SHISA9: variants seen among roughly 807,000 people sequenced by gnomAD.
SHISA9 encodes the protein protein shisa-9.
In SHISA9, 13 loss-of-function variants were observed where a neutral mutation model predicts 38.0. The observed-to-expected ratio is 0.34, with a 90% CI of 0.22 to 0.54. SHISA9 has a LOEUF of 0.54. SHISA9 is among the 20% of genes least tolerant of loss of function. SHISA9 has a pLI of 0.91. For synonymous variants in SHISA9, 275 were observed against 242.0 expected, an observed-to-expected ratio of 1.14 and a Z score of -1.27; for missense variants, 538 against 575.8, an observed-to-expected ratio of 0.93 and a Z score of 0.67.
At chr16:13,553,682 G>A in the SHISA9 span, among the ~76,000 whole-genome samples, 166 of 150,312 alleles carry the variant, frequency 1.1e-3, no homozygotes, top group African/African-American at 3.6e-3. Context: ...TAAAAAAAAA[G>A]AAAAAAAAAA....
the SHISA9 span, among the ~76,000 whole-genome samples, chr16:13,357,917 T>G: frequency 6.6e-6 from 1 of 152,102 alleles, no homozygotes; most frequent in East Asian, 1.9e-4. Context: ...ACACTTCTTT[T>G]GTGGTGGAAT....
the SHISA9 span, among the ~76,000 whole-genome samples, chr16:13,296,424 A>G: frequency 4.6e-5 from 7 of 151,788 alleles, no homozygotes; most frequent in Middle Eastern, 3.4e-3. Context: ...AACAGCACGC[A>G]GGGGGGAAAA....
At chr16:13,537,890 A>C in the SHISA9 span, among the ~76,000 whole-genome samples, 3,924 of 152,306 alleles carry the variant, frequency 0.026, 106 homozygotes, top group Middle Eastern at 0.1. Context: ...AGAAGAAACT[A>C]TGTCAAAATA....
chr16:13,054,730 C>G (rs989992735), intron 2 of SHISA9, among the ~76,000 whole-genome samples: 1 of 152,198 alleles, frequency 6.6e-6, no homozygotes, highest in African/African-American at 2.4e-5. Context: ...AGAGAGAAAT[C>G]TTTAACACGG....
At chr16:13,071,968 C>A (rs910040814) in intron 2 of SHISA9, among the ~76,000 whole-genome samples, 2 of 152,148 alleles carry the variant, frequency 1.3e-5, no homozygotes, top group Non-Finnish European at 2.9e-5. Context: ...TTCTGACACC[C>A]GCTCTTCCCA....
chr16:13,542,689 G>C, the SHISA9 span, among the ~76,000 whole-genome samples: 1 of 152,180 alleles, frequency 6.6e-6, no homozygotes, highest in Non-Finnish European at 1.5e-5. Context: ...TTTCAATCCA[G>C]CCTCTTTGGA....
the SHISA9 span, among the ~76,000 whole-genome samples, chr16:13,520,721 T>C: frequency 6.6e-6 from 1 of 150,414 alleles, no homozygotes; most frequent in East Asian, 2.0e-4. Flanking sequence ...GGCATATGTA[T>C]GTGGAGGGGA....
chr16:13,059,703 A>C (rs2073352100), intron 2 of SHISA9, among the ~76,000 whole-genome samples: 1 of 152,316 alleles, frequency 6.6e-6, no homozygotes, highest in African/African-American at 2.4e-5. Flanking sequence ...TCTGCAAATA[A>C]TATCACATTC....
At chr16:13,223,501 C>G (rs1055212748) in intron 4 of SHISA9, among the ~76,000 whole-genome samples, 1 of 152,180 alleles carries the variant, frequency 6.6e-6, no homozygotes, top group Non-Finnish European at 1.5e-5. Context: ...ATATTAACTC[C>G]TCTTTCCTTC....
intron 2 of SHISA9, among the ~76,000 whole-genome samples, chr16:13,119,084 T>A (rs1477541372): frequency 6.6e-6 from 1 of 152,054 alleles, no homozygotes; most frequent in Non-Finnish European, 1.5e-5. Flanking sequence ...GCTAGGCTGA[T>A]CTTGAACTTC....
the SHISA9 span, among the ~76,000 whole-genome samples, chr16:13,476,787 C>G: frequency 8.6e-6 from 1 of 116,400 alleles, no homozygotes; most frequent in Non-Finnish European, 1.6e-5. Context: ...CTCGCTCTGT[C>G]GCCCAGGCTG....
At chr16:12,913,927 T>C (rs1335716020) in intron 1 of SHISA9, among the ~76,000 whole-genome samples, 2 of 152,156 alleles carry the variant, frequency 1.3e-5, no homozygotes, top group African/African-American at 4.8e-5. Context: ...CCATTCAGGT[T>C]GTTTCCGCTT....
intron 3 of SHISA9, among the ~76,000 whole-genome samples, chr16:13,204,137 TCTA>T (rs2051037359): frequency 1.4e-5 from 1 of 71,926 alleles, no homozygotes; most frequent in Non-Finnish European, 3.2e-5. Context: ...CTACCTATTA[TCTA>T]TCTATCTATC....
At position 13,087,008 on chromosome 16, in the gene SHISA9, C is replaced by T. The variant is rs576234417; in HGVS notation, c.692-116386C>T. The stretch of plus-strand genomic sequence containing the variant: ...GCCCCGGTGTGTGATGTTCCCCGCC[C>T]TGTGTCCAAGTGATCTCATTGTTCA... On this transcript the variant is annotated intron_variant, in intron 2 of 4. Transcript: ENST00000558583. Among the ~76,000 whole-genome samples, 248 of 150,428 alleles carry T rather than the reference C, an allele frequency of 1.6e-3. 1 individual carries two copies. The highest frequency in any genetic ancestry group is 5.8e-3 in the African/African-American group (237 of 40,814).
the SHISA9 span, among the ~76,000 whole-genome samples, chr16:13,530,573 G>A: frequency 3.7e-4 from 57 of 152,126 alleles, no homozygotes; most frequent in African/African-American, 1.2e-3. Context: ...GATGGCATCC[G>A]TGATAAGAGC....
chr16:12,953,237 AAC>A (rs1555503120), intron 2 of SHISA9, among the ~76,000 whole-genome samples: 3 of 152,062 alleles, frequency 2.0e-5, no homozygotes, highest in Non-Finnish European at 4.4e-5. Context: ...CAACAACAAC[AAC>A]AAAAAACAGC....
chr16:13,356,741 A>C, the SHISA9 span, among the ~76,000 whole-genome samples: 1 of 152,098 alleles, frequency 6.6e-6, no homozygotes, highest in South Asian at 2.1e-4. Flanking sequence ...GATTTGGGAC[A>C]AGTTGCACTG....
chr16:13,303,138 T>A, the SHISA9 span, among the ~76,000 whole-genome samples: 1 of 152,318 alleles, frequency 6.6e-6, no homozygotes, highest in East Asian at 1.9e-4. Flanking sequence ...AGCATTTGTG[T>A]TATTTTCTCC....
intron 2 of SHISA9, among the ~76,000 whole-genome samples, chr16:13,089,278 T>G (rs2073748155): frequency 6.6e-6 from 1 of 152,226 alleles, no homozygotes; most frequent in Admixed American, 6.5e-5. Flanking sequence ...TTGTTGTGTC[T>G]CTGCCAGGCT....
Sources: gnomAD v4.1 joint callset for allele counts (sites outside exome capture counted in the v4.1 genomes callset) on GRCh38, gnomAD v4.1.1 for gene constraint, MANE v1.5 for transcripts, NCBI Gene and HGNC (gene_info 2026-07-23, HGNC 2026-07-21) for gene names.